The following BTG4 variants were observed in gnomAD, a reference collection of about 807,000 sequenced individuals.
BTG4 encodes protein BTG4.
In BTG4, 10 loss-of-function variants were observed where a neutral mutation model predicts 19.3. That is an observed-to-expected ratio of 0.52 (90% CI 0.32 to 0.88). The LOEUF (loss-of-function observed/expected upper bound fraction) is 0.88. BTG4 is among the 40% of genes least tolerant of loss of function. The pLI is 0.04. For synonymous variants in BTG4, 91 were observed against 95.7 expected (o/e 0.95, Z 0.29); for missense variants, 238 against 281.9 (o/e 0.84, Z 1.11).
At chr11:111,482,692 A>G (rs1264379113) in intron 5 of BTG4, among the ~76,000 whole-genome samples, 2 of 152,192 alleles carry the variant, frequency 1.3e-5, no homozygotes, top group African/African-American at 4.8e-5. Context: ...GATGGAGGAA[A>G]GATAGTCTTT....
the BTG4 span, among the ~76,000 whole-genome samples, chr11:111,451,939 G>T: frequency 6.6e-6 from 1 of 152,264 alleles, no homozygotes; most frequent in East Asian, 1.9e-4. Flanking sequence ...AGGTTGAGAG[G>T]ATGGGAACAC....
the BTG4 span, chr11:111,404,565 CCTCA>C: frequency 2.2e-6 from 1 of 455,926 alleles, no homozygotes; most frequent in Admixed American, 2.3e-5. Context: ...CCTCTGCTCT[CCTCA>C]CTTTTTCAGT....
the BTG4 span, chr11:111,385,158 T>A: frequency 1.3e-5 from 2 of 152,178 alleles, no homozygotes; most frequent in Non-Finnish European, 2.9e-5. Flanking sequence ...ATAAATGATG[T>A]GTTAAACATT....
chr11:111,499,265 A>C (rs1373053209), intron 1 of BTG4, among the ~76,000 whole-genome samples: 6 of 152,214 alleles, frequency 3.9e-5, no homozygotes, highest in African/African-American at 1.4e-4. Context: ...AGCCCCTAAG[A>C]AAAGTGGGCG....
the BTG4 span, chr11:111,454,990 G>A: frequency 2.2e-6 from 1 of 456,434 alleles, no homozygotes. Flanking sequence ...TAAACTTCTG[G>A]GTGAAGCCCG....
intron 1 of BTG4, among the ~76,000 whole-genome samples, chr11:111,509,038 A>T (rs1477053269): frequency 6.6e-6 from 1 of 152,110 alleles, no homozygotes; most frequent in African/African-American, 2.4e-5. Context: ...TTTACCTGAA[A>T]GATAAATTAA....
rs944352780 is a variant in BTG4, at chr11:111,475,638, T to TA, written c.663-7958dup. On this transcript the variant is annotated intron_variant, in intron 5 of 5. Transcript: ENST00000356018. ...ACAACACCATCACATGAATTTAGGT[T>TA]AAAAAAAATCCAGATACAAACTTCA... Among the ~76,000 whole-genome samples the TA allele has an allele frequency of 3.2e-4, 49 of 152,038 alleles. No individual in the cohort carries two copies. The South Asian group carries it at 8.8e-3, about 27-fold the overall frequency.
At chr11:111,446,329 G>A in the BTG4 span, among the ~76,000 whole-genome samples, 1 of 152,148 alleles carries the variant, frequency 6.6e-6, no homozygotes, top group Non-Finnish European at 1.5e-5. Context: ...TCATTACAAT[G>A]TCAATCTCAC....
the BTG4 span, among the ~76,000 whole-genome samples, chr11:111,426,275 G>T: frequency 6.7e-6 from 1 of 148,336 alleles, no homozygotes; most frequent in Non-Finnish European, 1.5e-5. Flanking sequence ...GAAGGGAAAT[G>T]AAAAAAAAAT....
At chr11:111,432,860 T>C in the BTG4 span, among the ~76,000 whole-genome samples, 1 of 152,196 alleles carries the variant, frequency 6.6e-6, no homozygotes. Flanking sequence ...TATATCTTTT[T>C]TTTTTCTTTT....
At chr11:111,475,437 T>C (rs963617949) in intron 5 of BTG4, 31 of 152,074 alleles carry the variant, frequency 2.0e-4, no homozygotes, top group Admixed American at 1.3e-4. Context: ...GCTAAGGTTG[T>C]CTATTACTGA....
At chr11:111,493,451 G>A (rs995994666), downstream of BTG4, among the ~76,000 whole-genome samples, 7 of 152,190 alleles carry the variant, frequency 4.6e-5, no homozygotes, top group African/African-American at 1.4e-4. Flanking sequence ...GATGGTTAAG[G>A]ATTAAACTAA....
At chr11:111,412,177 T>C in the BTG4 span, among the ~76,000 whole-genome samples, 4 of 152,302 alleles carry the variant, frequency 2.6e-5, no homozygotes, top group Admixed American at 2.0e-4. Flanking sequence ...TTCAAAAGAA[T>C]TGTTTCAATC....
chr11:111,462,108 G>A, the BTG4 span: 2 of 152,596 alleles, frequency 1.3e-5, no homozygotes, highest in African/African-American at 4.8e-5. Context: ...TGAAAGTTTG[G>A]AGTCCTTTTC....
intron 5 of BTG4, among the ~76,000 whole-genome samples, chr11:111,468,617 G>C (rs767892426): frequency 6.6e-6 from 1 of 152,192 alleles, no homozygotes; most frequent in Non-Finnish European, 1.5e-5. Context: ...TGTCTCTTAA[G>C]AGAATGAACA....
chr11:111,468,798 C>T (rs924611908), intron 5 of BTG4, among the ~76,000 whole-genome samples: 6 of 152,212 alleles, frequency 3.9e-5, no homozygotes, highest in African/African-American at 1.4e-4. Context: ...AATGGAAGCA[C>T]ATAGACCCCA....
At chr11:111,384,605 A>G in the BTG4 span, 2 of 152,194 alleles carry the variant, frequency 1.3e-5, no homozygotes, top group South Asian at 4.1e-4. Flanking sequence ...CCAAATTGTC[A>G]TTCAAATATT....
At chr11:111,400,113 A>G in the BTG4 span, among the ~76,000 whole-genome samples, 1 of 152,178 alleles carries the variant, frequency 6.6e-6, no homozygotes, top group African/African-American at 2.4e-5. Flanking sequence ...CCTGAGAAGC[A>G]GGAGGCCCAG....
At chr11:111,427,884 C>T in the BTG4 span, among the ~76,000 whole-genome samples, 1 of 152,118 alleles carries the variant, frequency 6.6e-6, no homozygotes, top group Non-Finnish European at 1.5e-5. Flanking sequence ...GTGACAGAGG[C>T]GTCACATCAC....
Sources: gnomAD v4.1 joint callset for allele counts (sites outside exome capture counted in the v4.1 genomes callset) on GRCh38, gnomAD v4.1.1 for gene constraint, MANE v1.5 for transcripts, NCBI Gene and HGNC (gene_info 2026-07-23, HGNC 2026-07-21) for gene names.